The following PTPRS variants were observed in gnomAD, a reference collection of about 807,000 sequenced individuals.
PTPRS encodes protein tyrosine phosphatase receptor type S.
Under a neutral mutation model 215.3 loss-of-function variants are expected in PTPRS, and 63 were observed. That is an observed-to-expected ratio of 0.29 (90% CI 0.24 to 0.36). The LOEUF is 0.36. Ranked by LOEUF, PTPRS falls within the 10% of genes least tolerant of loss-of-function variation. The probability of loss-of-function intolerance (pLI) is 1.00; values close to 1 mark genes in which losing one functional copy is unlikely to be tolerated. For synonymous variants in PTPRS, 1,404 were observed against 1,191.4 expected, an observed-to-expected ratio of 1.18 and a Z score of -3.68; for missense variants, 2,258 against 2,825.8, an observed-to-expected ratio of 0.80 and a Z score of 4.56.
rs1599316484 is a variant in PTPRS at position 5,205,837 on chromosome 19, A to G, written c.*937T>C. ...AGACAGCTCAGGCTCTCAGAGGAGG[A>G]CCACTGTCATCTCTCTCCTCTTACA... On this transcript the variant is annotated 3_prime_UTR_variant, in exon 38 of 38. Transcript: ENST00000262963. 6.6e-6 allele frequency among the ~76,000 whole-genome samples: 1 copy of G among 152,100 alleles called. No individual in the cohort carries two copies. Among genetic ancestry groups the G allele is most frequent in the East Asian group, 1.9e-4 (1 of 5,154 alleles).
At chr19:5,222,300 G>A (rs1218941193) in intron 18 of PTPRS, 80 bp from the exon 19 acceptor site, 25 of 1,237,226 alleles carry the variant, frequency 2.0e-5, no homozygotes, top group Non-Finnish European at 2.7e-5. Flanking sequence ...GTGAAGCGGG[G>A]TGGGGTGGGG....
At chr19:5,207,428 C>T (rs1407994447) in intron 37 of PTPRS, among the ~76,000 whole-genome samples, 1 of 152,150 alleles carries the variant, frequency 6.6e-6, no homozygotes, top group African/African-American at 2.4e-5. Context: ...TCTGTGTTGC[C>T]CAGGATGGGC....
Position 5,252,525 on chromosome 19 carries a change from C to T in PTPRS, c.718+3583G>A, listed in dbSNP as rs541060285. ...CCAGGAGGCGGAGGTTGCAGTGAGC[C>T]GAGATTGCGCCACTGTACTTCAGCC... On this transcript the variant is annotated intron_variant, in intron 9 of 37. Coordinates refer to ENST00000262963, the MANE Select transcript of PTPRS (RefSeq NM_002850.4). 2.5e-4 allele frequency among the ~76,000 whole-genome samples: 35 copies of T among 142,434 alleles called. 1 individual carries two copies. Among genetic ancestry groups the T allele is most frequent in the Non-Finnish European group, 4.4e-4 (29 of 66,186 alleles). 93.4% of individuals were successfully genotyped at this position (142,434 alleles called of 152,430 possible).
Position 5,257,390 on chromosome 19 carries a change from C to T in PTPRS, c.706+627G>A, listed in dbSNP as rs772664575. The T allele has an allele frequency of 1.3e-4, 58 of 456,042 alleles. No individual in the cohort carries two copies. The East Asian group carries it at 1.6e-3, about 13-fold the overall frequency. The allele number at this position is 456,042 out of a possible 1,614,324, so 28.2% of individuals were successfully genotyped here. A position where few individuals can be genotyped will look rare whatever the true frequency, so the allele number is the denominator to read the frequency against. ...ACCGAGCCCCCCGGGTGCCTGTGCC[C>T]GCTGTGGCTCCAGCCTCCCATCGGC... On this transcript the variant is annotated intron_variant, in intron 8 of 37. Transcript: ENST00000262963. The surrounding 1 kb of genome is among the most constrained non-coding windows in gnomAD (Gnocchi z 4.4).
intron 11 of PTPRS, among the ~76,000 whole-genome samples, chr19:5,242,375 CTG>C (rs1467281267): frequency 6.6e-6 from 1 of 152,010 alleles, no homozygotes; most frequent in Non-Finnish European, 1.5e-5. Flanking sequence ...GCTAGGATAA[CTG>C]TCCAATTTTA....
chr19:5,252,873 C>CAAAAAAAAAAAAAAAAAA (rs769636796), intron 9 of PTPRS, among the ~76,000 whole-genome samples: 1 of 45,700 alleles, frequency 2.2e-5, no homozygotes. Context: ...AACTCCATCT[C>CAAAAAAAAAAAAAAAAAA]AAAAAAAAAA....
rs1317820258 is a variant in PTPRS at position 5,210,918 on chromosome 19, C to G, written c.5235-113G>C. Reference sequence around the variant, plus strand: ...GCCAGTGACAGCTACACCTACCACCCCACTGCCTGCCAGGAATGGCTGCTG... The same window carrying G: ...GCCAGTGACAGCTACACCTACCACCGCACTGCCTGCCAGGAATGGCTGCTG... On this transcript the variant is annotated intron_variant, in intron 33 of 37. Transcript: ENST00000262963. The surrounding 1 kb of genome is among the most constrained non-coding windows in gnomAD (Gnocchi z 4.5). 5.1e-6 allele frequency: 7 copies of G among 1,384,836 alleles called. No homozygotes were observed. In the East Asian group the frequency reaches 1.2e-4, roughly 24 times the overall value. The allele number at this position is 1,384,836 out of a possible 1,614,324, so 85.8% of individuals were successfully genotyped here. A position where few individuals can be genotyped will look rare whatever the true frequency, so the allele number is the denominator to read the frequency against.
At chr19:5,331,913 A>C (rs973368429) in intron 1 of PTPRS, among the ~76,000 whole-genome samples, 1 of 152,202 alleles carries the variant, frequency 6.6e-6, no homozygotes, top group Non-Finnish European at 1.5e-5. Flanking sequence ...ACTCTCTGTA[A>C]GCTATCACAC....
At chr19:5,297,941 C>T (rs1415147236) in intron 1 of PTPRS, among the ~76,000 whole-genome samples, 4 of 151,902 alleles carry the variant, frequency 2.6e-5, no homozygotes, top group Non-Finnish European at 5.9e-5. Flanking sequence ...TACAGGCGCA[C>T]ACCACCACGC....
In PTPRS at chr19:5,339,787, G is replaced by A. The variant is rs369248084; in HGVS notation, c.-95+877C>T. On this transcript the variant is annotated intron_variant, in intron 1 of 37. Transcript: ENST00000262963. The surrounding 1 kb of genome is among the most constrained non-coding windows in gnomAD (Gnocchi z 4.2). The stretch of plus-strand genomic sequence containing the variant: ...CCCCGCAGCCCCCGGGGGCTCCCGG[G>A]GCGTGCGGAACCCGCGGGGCTGGCG... 1.8e-4 allele frequency among the ~76,000 whole-genome samples: 28 copies of A among 151,848 alleles called. No homozygotes were observed. The highest frequency in any genetic ancestry group is 5.5e-4 in the African/African-American group (23 of 41,486).
chr19:5,252,135 C>G (rs1244114521), intron 9 of PTPRS, among the ~76,000 whole-genome samples: 1 of 152,116 alleles, frequency 6.6e-6, no homozygotes, highest in Non-Finnish European at 1.5e-5. Context: ...AAAAGAAGAC[C>G]TGGGAATCGG....
intron 1 of PTPRS, among the ~76,000 whole-genome samples, chr19:5,289,592 C>T (rs1452581184): frequency 2.6e-5 from 4 of 152,282 alleles, no homozygotes; most frequent in Admixed American, 2.6e-4. Context: ...CTCCCTTTCT[C>T]CCCCTCCTCC....
At chr19:5,317,968 G>A (rs149289898) in intron 1 of PTPRS, among the ~76,000 whole-genome samples, 3,969 of 152,240 alleles carry the variant, frequency 0.026, 149 homozygotes, top group East Asian at 0.16. Flanking sequence ...TCAGGAGATC[G>A]AGACCATCCT....
At chr19:5,276,237 T>C (rs2146647130) in intron 2 of PTPRS, among the ~76,000 whole-genome samples, 1 of 149,530 alleles carries the variant, frequency 6.7e-6, no homozygotes, top group East Asian at 1.9e-4. Context: ...TTGTTTTTGT[T>C]TTTTGAGATG....
At chr19:5,225,605 T>C in intron 17 of PTPRS, 122 bp downstream of exon 17, 2 of 878,268 alleles carry the variant, frequency 2.3e-6, no homozygotes, top group Non-Finnish European at 3.7e-6. Context: ...TTTGTCTCAC[T>C]GTTCCAGCTG....
Position 5,294,592 on chromosome 19 carries a change from C to A in PTPRS, c.-94-8358G>T. On this transcript the variant is annotated intron_variant, in intron 1 of 37. Coordinates refer to ENST00000262963, the MANE Select transcript of PTPRS (RefSeq NM_002850.4). The surrounding 1 kb of genome is among the most constrained non-coding windows in gnomAD (Gnocchi z 5.1). Reference sequence around the variant, plus strand: ...GAAACAATTCCGCTCCCACGGCTCCCGTCCATGCCCTCCCACTGCTACCTC... The same window carrying A: ...GAAACAATTCCGCTCCCACGGCTCCAGTCCATGCCCTCCCACTGCTACCTC... 1 of 152,304 alleles carries A rather than the reference C, an allele frequency of 6.6e-6. No homozygotes were observed. The allele number at this position is 152,304 out of a possible 1,614,324, so 9.4% of individuals were successfully genotyped here. A position where few individuals can be genotyped will look rare whatever the true frequency, so the allele number is the denominator to read the frequency against.
intron 17 of PTPRS, among the ~76,000 whole-genome samples, chr19:5,224,409 T>C (rs933001916): frequency 6.6e-6 from 1 of 152,300 alleles, no homozygotes; most frequent in East Asian, 1.9e-4. Flanking sequence ...TCCTGCCTTG[T>C]TGATTTGGCC....
intron 4 of PTPRS, among the ~76,000 whole-genome samples, chr19:5,269,104 C>T (rs995742270): frequency 6.6e-6 from 1 of 152,176 alleles, no homozygotes; most frequent in Non-Finnish European, 1.5e-5. Flanking sequence ...TGTGTCTATG[C>T]ATGCTCGTGT....
At chr19:5,208,644 G>A (rs540473281) in intron 35 of PTPRS, among the ~76,000 whole-genome samples, 25 of 152,066 alleles carry the variant, frequency 1.6e-4, no homozygotes, top group African/African-American at 5.5e-4. Context: ...CACCAGGCCC[G>A]GCCCTCACCC....
Sources: allele counts gnomAD v4.1 joint callset (sites outside exome capture counted in the v4.1 genomes callset), GRCh38; gene constraint gnomAD v4.1.1; non-coding constraint Gnocchi (gnomAD v3.1); transcripts MANE v1.5; gene names NCBI Gene and HGNC (gene_info 2026-07-23, HGNC 2026-07-21).